Variants in PRR15 observed in about 807,000 individuals in gnomAD.
PRR15 encodes proline-rich protein 15.
A neutral mutation model predicts 3.0 loss-of-function variants in PRR15; 4 were observed. The observed-to-expected ratio is 1.34, with a 90% CI of 0.66 to 3.08. The LOEUF (loss-of-function observed/expected upper bound fraction) is 3.08, where lower values mean the gene tolerates loss of function less well. Among genes scored for constraint, PRR15 ranks in the 30% most tolerant of loss-of-function variants. The pLI, the probability that PRR15 is intolerant of heterozygous loss-of-function variation, is 0.01. For synonymous variants in PRR15, 82 were observed against 79.8 expected (o/e 1.03, Z -0.14); for missense variants, 200 against 179.5 (o/e 1.11, Z -0.65).
chr7:29,566,099 G>GC, intron 1 of PRR15, 86 bp from the exon 2 acceptor site: 1 of 590,634 alleles, frequency 1.7e-6, no homozygotes, highest in Admixed American at 3.3e-5. Flanking sequence ...CCGATCCGGT[G>GC]CCAGACAGCA....
Position 29,566,564 on chromosome 7 carries a change from G to T in PRR15, c.235G>T (p.Gly79Trp), listed in dbSNP as rs1395102588. ...GCCCCCCAAACCAGACAAGTTATACGGGGACAAATCCGGCAGCAGCCGCCG... is the reference window on the plus strand; with the variant it reads ...GCCCCCCAAACCAGACAAGTTATACTGGGACAAATCCGGCAGCAGCCGCCG... ...GEPPKPDKLY[G>W]DKSGSSRRNL... Residue 79 changes from glycine to tryptophan, a missense_variant, in exon 2 of 2, where the codon GGG (glycine) becomes TGG (tryptophan). Physicochemically the swap from Gly to Trp is radical, Grantham distance 184. Transcript: ENST00000319694. 2.5e-6 allele frequency: 4 copies of T among 1,609,036 alleles called. No homozygotes were observed. Among genetic ancestry groups the T allele is most frequent in the Non-Finnish European group, 3.4e-6 (4 of 1,178,208 alleles).
Position 29,566,830 on chromosome 7 carries a change from A to C in PRR15, c.*111A>C. 4.8e-6 allele frequency: 5 copies of C among 1,048,740 alleles called. No homozygotes were observed. The highest frequency in any genetic ancestry group is 1.6e-5 in the African/African-American group (1 of 62,072). The allele number at this position is 1,048,740 out of a possible 1,614,324, so 65.0% of individuals were successfully genotyped here. On this transcript the variant is annotated 3_prime_UTR_variant, in exon 2 of 2. Coordinates refer to ENST00000319694, the MANE Select transcript of PRR15 (RefSeq NM_175887.3). ...CTTACGCGTTGTCTCATTCCACCAAATTCAGAATATTTACACAATGCCTTC... is the reference window on the plus strand; with the variant it reads ...CTTACGCGTTGTCTCATTCCACCAACTTCAGAATATTTACACAATGCCTTC...
In PRR15 at chr7:29,566,245, G is replaced by A. The variant is rs1792898825; in HGVS notation, c.-85G>A. On this transcript the variant is annotated 5_prime_UTR_variant, in exon 2 of 2. Coordinates refer to ENST00000319694, the MANE Select transcript of PRR15 (RefSeq NM_175887.3). ...ACGTGTGGCAAGCCGGGGAAGGGGT[G>A]GAGTGAACGGCCGGAGACCACGTGG... 2 of 1,409,422 alleles carry A rather than the reference G, an allele frequency of 1.4e-6. No individual in the cohort carries two copies. The highest frequency in any genetic ancestry group is 5.0e-5 in the Admixed American group (2 of 39,922). 87.3% of individuals were successfully genotyped at this position (1,409,422 alleles called of 1,614,324 possible).
intron 1 of PRR15, 83 bp downstream of exon 1, chr7:29,564,460 C>T (rs1480386211): frequency 6.6e-6 from 1 of 152,194 alleles, no homozygotes; most frequent in African/African-American, 2.4e-5. Flanking sequence ...TGGTACCTCC[C>T]AGGTACCCGC....
intron 1 of PRR15, 140 bp from the exon 2 acceptor site, chr7:29,566,045 A>C: frequency 1.2e-5 from 6 of 502,882 alleles, no homozygotes; most frequent in Non-Finnish European, 1.7e-5. Flanking sequence ...GTCTAATGCT[A>C]ATGTGGGCTA....
chr7:29,566,365 C>G lies in PRR15; in HGVS notation c.36C>G (p.Pro12=), dbSNP rs748347871. The change falls in exon 2 of 2, where the codon CCC becomes CCG. Residue 12 remains proline (P), a synonymous_variant. Transcript: ENST00000319694. Reference sequence around the variant, plus strand: ...GCGGCGATGCTGGCAGCTCCGGCCCCTGGTGGAAATCGCTCACCAACAGCA... The same window carrying G: ...GCGGCGATGCTGGCAGCTCCGGCCCGTGGTGGAAATCGCTCACCAACAGCA... The part of the protein sequence containing the change: ...ADSGDAGSSG[P]WWKSLTNSRK... 3 of 1,610,046 alleles carry G rather than the reference C, an allele frequency of 1.9e-6. No individual in the cohort carries two copies. Among genetic ancestry groups the G allele is most frequent in the Non-Finnish European group, 1.7e-6 (2 of 1,179,550 alleles).
At position 29,566,708 on chromosome 7, in the gene PRR15, G is replaced by A; in HGVS notation, c.379G>A (p.Asp127Asn). ...AGGCTTTCCTGGTGACCCCCACGAG[G>A]ACAAGCAGTAGCCCCAATAGCCTGC... ...EAGFPGDPHE[D>N]KQ Residue 127 changes from aspartate to asparagine, a missense_variant, in exon 2 of 2, where the codon GAC (aspartate) becomes AAC (asparagine). Asp to Asn is a conservative substitution (Grantham distance 23, BLOSUM62 1). Coordinates refer to ENST00000319694, the MANE Select transcript of PRR15 (RefSeq NM_175887.3). 6.4e-7 allele frequency: 1 copy of A among 1,558,214 alleles called. No homozygotes were observed. The highest frequency in any genetic ancestry group is 8.7e-7 in the Non-Finnish European group (1 of 1,151,772).
In PRR15 at chr7:29,566,534, G is replaced by A. The variant is rs765706593; in HGVS notation, c.205G>A (p.Gly69Ser). The A allele has an allele frequency of 1.2e-6, 2 of 1,606,586 alleles. No individual in the cohort carries two copies. Among genetic ancestry groups the A allele is most frequent in the South Asian group, 2.2e-5 (2 of 90,222 alleles). Residue 69 changes from glycine to serine, a missense_variant, in exon 2 of 2, where the codon GGC becomes AGC. Transcript: ENST00000319694. ...NQHPNLLGGAGEPPKPDKLYG... is the reference protein window; with the variant it reads ...NQHPNLLGGASEPPKPDKLYG... ...GCACCCCAATCTCCTCGGGGGCGCC[G>A]GCGAGCCCCCCAAACCAGACAAGTT... is the stretch of plus-strand genomic sequence containing the variant.
At position 29,566,502 on chromosome 7, in the gene PRR15, A is replaced by G; in HGVS notation, c.173A>G (p.Glu58Gly). Residue 58 changes from glutamate to glycine, a missense_variant, in exon 2 of 2, where the codon GAG becomes GGG. By Grantham distance (98) the Glu-to-Gly change is moderately conservative. Transcript: ENST00000319694. ...CCGGACTGGACCAGCAGCTCCCGGG[A>G]GAACCAGCACCCCAATCTCCTCGGG... is the stretch of plus-strand genomic sequence containing the variant. ...PSPDWTSSSR[E>G]NQHPNLLGGA... 1 of 1,601,342 alleles carries G rather than the reference A, an allele frequency of 6.2e-7. No individual in the cohort carries two copies. The highest frequency in any genetic ancestry group is 8.5e-7 in the Non-Finnish European group (1 of 1,174,216).
chr7:29,566,041 T>G, intron 1 of PRR15, 144 bp from the exon 2 acceptor site: 1 of 510,816 alleles, frequency 2.0e-6, no homozygotes, highest in Non-Finnish European at 3.4e-6. Flanking sequence ...TGGCGTCTAA[T>G]GCTAATGTGG....
Position 29,566,459 on chromosome 7 carries a change from C to T in PRR15, c.130C>T (p.Pro44Ser). The T allele has an allele frequency of 1.2e-6, 2 of 1,600,608 alleles. No homozygotes were observed. The highest frequency in any genetic ancestry group is 1.7e-6 in the Non-Finnish European group (2 of 1,173,784). The change falls in exon 2 of 2, where the codon CCA becomes TCA. Residue 44 changes from proline (P) to serine (S), a missense_variant. Coordinates refer to ENST00000319694, the MANE Select transcript of PRR15 (RefSeq NM_175887.3). ...PAQPAPGEPT[P>S]PAPPSPDWTS... ...CCAGCCCGCTCCCGGGGAGCCCACG[C>T]CACCTGCGCCGCCCAGCCCGGACTG...
rs751654223 is a variant in PRR15 at position 29,566,649 on chromosome 7, T to C, written c.320T>C (p.Leu107Pro). Reference protein sequence around the residue: ...FKEKRKVRATLLPEAGRSPEE... With the variant: ...FKEKRKVRATPLPEAGRSPEE... The stretch of plus-strand genomic sequence containing the variant: ...GAGAAGAGGAAAGTGCGCGCCACGC[T>C]GCTCCCGGAGGCGGGCAGGTCCCCG... The change falls in exon 2 of 2, where the codon CTG becomes CCG. Residue 107 changes from leucine to proline, a missense_variant. Transcript: ENST00000319694. 2 of 1,586,530 alleles carry C rather than the reference T, an allele frequency of 1.3e-6. No individual in the cohort carries two copies. Among genetic ancestry groups the C allele is most frequent in the Non-Finnish European group, 1.7e-6 (2 of 1,166,918 alleles).
chr7:29,566,278 G>A lies in PRR15; in HGVS notation c.-52G>A, dbSNP rs1792899812. On this transcript the variant is annotated 5_prime_UTR_variant, in exon 2 of 2. Coordinates refer to ENST00000319694, the MANE Select transcript of PRR15 (RefSeq NM_175887.3). ...CGGCCGGAGACCACGTGGAGAAAGG[G>A]GCCGCTTTGGCCCTTCCATCTGGGT... 6.5e-6 allele frequency: 10 copies of A among 1,528,130 alleles called. No homozygotes were observed. The highest frequency in any genetic ancestry group is 4.4e-6 in the Non-Finnish European group (5 of 1,144,806). The allele number at this position is 1,528,130 out of a possible 1,614,324, so 94.7% of individuals were successfully genotyped here.
rs1792929874 is a variant in PRR15 at position 29,567,121 on chromosome 7, A to G, written c.*402A>G. ...AAAGCAAATCACAGTGCTGTTTTTA[A>G]TGCCTGAGAAATGCACTTTAGGGGT... On this transcript the variant is annotated 3_prime_UTR_variant, in exon 2 of 2. Transcript: ENST00000319694. 5.4e-6 allele frequency: 1 copy of G among 184,942 alleles called. No individual in the cohort carries two copies. Among genetic ancestry groups the G allele is most frequent in the Admixed American group, 6.3e-5 (1 of 15,864 alleles). 11.5% of individuals were successfully genotyped at this position (184,942 alleles called of 1,614,324 possible).
At chr7:29,565,415 G>T (rs186641611) in intron 1 of PRR15, 3 of 152,212 alleles carry the variant, frequency 2.0e-5, no homozygotes, top group Non-Finnish European at 4.4e-5. Flanking sequence ...TCAGCCGGGG[G>T]TGACTTCAAA....
intron 1 of PRR15, 97 bp from the exon 2 acceptor site, chr7:29,566,088 G>A (rs1792894912): frequency 1.4e-5 from 8 of 575,366 alleles, no homozygotes; most frequent in Non-Finnish European, 2.4e-5. Context: ...TCCGACCCTG[G>A]CCGATCCGGT....
At chr7:29,565,189 G>C (rs1191290197) in intron 1 of PRR15, among the ~76,000 whole-genome samples, 1 of 152,220 alleles carries the variant, frequency 6.6e-6, no homozygotes, top group Non-Finnish European at 1.5e-5. Flanking sequence ...TCTGCAGAGG[G>C]GGGGTCTTAG....
At position 29,566,585 on chromosome 7, in the gene PRR15, C is replaced by A. The variant is rs1351425271; in HGVS notation, c.256C>A (p.Arg86Ser). ...ATACGGGGACAAATCCGGCAGCAGCCGCCGCAATTTGAAGATCTCGCGCTC... is the reference window on the plus strand; with the variant it reads ...ATACGGGGACAAATCCGGCAGCAGCAGCCGCAATTTGAAGATCTCGCGCTC... ...KLYGDKSGSS[R>S]RNLKISRSGR... is the part of the protein sequence containing the mutation. The change falls in exon 2 of 2, where the codon CGC becomes AGC. Residue 86 changes from arginine (R) to serine (S), a missense_variant. By Grantham distance (110) the Arg-to-Ser change is moderately radical. Coordinates refer to ENST00000319694, the MANE Select transcript of PRR15 (RefSeq NM_175887.3). 3 of 1,608,862 alleles carry A rather than the reference C, an allele frequency of 1.9e-6. No individual in the cohort carries two copies. Among genetic ancestry groups the A allele is most frequent in the Non-Finnish European group, 2.5e-6 (3 of 1,178,076 alleles).
intron 1 of PRR15, 116 bp downstream of exon 1, chr7:29,564,493 T>A (rs914143243): frequency 6.6e-6 from 1 of 152,018 alleles, no homozygotes; most frequent in Non-Finnish European, 1.5e-5. Flanking sequence ...TAAGAGAGGC[T>A]GAAAACCACG....
Sources: allele counts gnomAD v4.1 joint callset (sites outside exome capture counted in the v4.1 genomes callset), GRCh38; gene constraint gnomAD v4.1.1; transcripts MANE v1.5; gene names NCBI Gene and HGNC (gene_info 2026-07-23, HGNC 2026-07-21).